MDGA2: variants seen among roughly 807,000 people sequenced by gnomAD.
MDGA2 encodes the protein MAM domain containing glycosylphosphatidylinositol anchor 2.
A neutral mutation model predicts 117.8 loss-of-function variants in MDGA2; 40 were observed. That is an observed-to-expected ratio of 0.34 (90% CI 0.26 to 0.44). MDGA2 has a LOEUF of 0.44. MDGA2 is among the 20% of genes least tolerant of loss of function. The probability of loss-of-function intolerance (pLI) is 1.00; values close to 1 mark genes in which losing one functional copy is unlikely to be tolerated. For synonymous variants in MDGA2, 452 were observed against 439.0 expected (o/e 1.03, Z -0.37); for missense variants, 1,123 against 1,250.6 (o/e 0.90, Z 1.54).
intron 3 of MDGA2, among the ~76,000 whole-genome samples, chr14:47,203,255 G>A (rs1885573131): frequency 6.6e-6 from 1 of 151,876 alleles, no homozygotes; most frequent in South Asian, 2.1e-4. Context: ...CAGGGTGAAG[G>A]TAAAGCTGGG....
chr14:47,469,691 A>G (rs960678552), intron 1 of MDGA2, among the ~76,000 whole-genome samples: 2 of 152,098 alleles, frequency 1.3e-5, no homozygotes, highest in African/African-American at 4.8e-5. Context: ...GCTGGGTCAA[A>G]TGGTATTTTT....
chr14:47,273,994 T>A (rs951818465), intron 2 of MDGA2, among the ~76,000 whole-genome samples: 5 of 152,124 alleles, frequency 3.3e-5, no homozygotes, highest in African/African-American at 9.7e-5. Context: ...GAGTTTCAGA[T>A]AAATTATTCT....
chr14:47,470,268 C>T (rs1420177228), intron 1 of MDGA2, among the ~76,000 whole-genome samples: 1 of 146,474 alleles, frequency 6.8e-6, no homozygotes, highest in Non-Finnish European at 1.5e-5. Flanking sequence ...TCCCCCAGCC[C>T]CCCCACCCCA....
chr14:47,299,013 T>G (rs1889184646), intron 2 of MDGA2, among the ~76,000 whole-genome samples: 1 of 152,088 alleles, frequency 6.6e-6, no homozygotes, highest in South Asian at 2.1e-4. Context: ...ATGGGCAATA[T>G]AAGCTGAAAC....
chr14:47,013,258 C>A (rs147365459), intron 8 of MDGA2, among the ~76,000 whole-genome samples: 1 of 152,132 alleles, frequency 6.6e-6, no homozygotes, highest in South Asian at 2.1e-4. Context: ...TATTGTAAAT[C>A]TTTTGTTGTC....
intron 8 of MDGA2, among the ~76,000 whole-genome samples, chr14:47,030,340 C>A (rs1382504149): frequency 6.6e-6 from 1 of 151,832 alleles, no homozygotes; most frequent in South Asian, 2.1e-4. Flanking sequence ...AATGGAGAAA[C>A]CCCATCTCTA....
At chr14:46,847,065 G>C (rs780986974) in intron 15 of MDGA2, among the ~76,000 whole-genome samples, 3 of 152,038 alleles carry the variant, frequency 2.0e-5, no homozygotes, top group Non-Finnish European at 4.4e-5. Flanking sequence ...ATGATTTTGA[G>C]AGAACTTAGG....
chr14:47,185,544 T>G (rs1396543096), intron 3 of MDGA2, among the ~76,000 whole-genome samples: 1 of 151,420 alleles, frequency 6.6e-6, no homozygotes, highest in African/African-American at 2.4e-5. Flanking sequence ...ACAGAAGACA[T>G]GAATAGAATT....
intron 2 of MDGA2, among the ~76,000 whole-genome samples, chr14:47,291,723 T>C (rs934258143): frequency 1.3e-5 from 2 of 152,188 alleles, no homozygotes; most frequent in Non-Finnish European, 1.5e-5. Context: ...TGCACATCAC[T>C]AGCCTGGGAA....
At chr14:47,337,346 C>T (rs1267547208) in intron 1 of MDGA2, among the ~76,000 whole-genome samples, 1 of 152,000 alleles carries the variant, frequency 6.6e-6, no homozygotes, top group Non-Finnish European at 1.5e-5. Context: ...GATCAAAAGC[C>T]TAAGATTAAG....
At chr14:47,121,157 C>T (rs972068355) in intron 5 of MDGA2, among the ~76,000 whole-genome samples, 6 of 152,026 alleles carry the variant, frequency 3.9e-5, no homozygotes, top group Non-Finnish European at 5.9e-5. Context: ...GGAGATGTAT[C>T]CTATAAGCGT....
At chr14:47,293,488 G>C (rs1888957031) in intron 2 of MDGA2, among the ~76,000 whole-genome samples, 1 of 152,050 alleles carries the variant, frequency 6.6e-6, no homozygotes. Flanking sequence ...AATTTCAATG[G>C]GACAGGCAAG....
intron 1 of MDGA2, among the ~76,000 whole-genome samples, chr14:47,656,620 G>A (rs1897749255): frequency 6.6e-6 from 1 of 152,264 alleles, no homozygotes; most frequent in South Asian, 2.1e-4. Context: ...CAGAAAATCA[G>A]CAACAATAAC....
chr14:47,227,084 C>T (rs1886530837), intron 2 of MDGA2, among the ~76,000 whole-genome samples: 1 of 152,102 alleles, frequency 6.6e-6, no homozygotes, highest in Admixed American at 6.6e-5. Context: ...TTATCACATG[C>T]TTTAGAAATC....
chr14:46,976,213 TTTATA>T (rs554498098), intron 8 of MDGA2, among the ~76,000 whole-genome samples: 4 of 152,214 alleles, frequency 2.6e-5, no homozygotes, highest in African/African-American at 7.2e-5. Context: ...GATGGCAAAT[TTTATA>T]TTATGTGTAT....
At chr14:47,619,345 A>G (rs187684565) in intron 1 of MDGA2, among the ~76,000 whole-genome samples, 2 of 152,328 alleles carry the variant, frequency 1.3e-5, no homozygotes, top group African/African-American at 4.8e-5. Flanking sequence ...CTGCGTCATC[A>G]TCACAATGAG....
chr14:47,519,906 C>G (rs1894834756), intron 1 of MDGA2, among the ~76,000 whole-genome samples: 1 of 152,166 alleles, frequency 6.6e-6, no homozygotes, highest in Non-Finnish European at 1.5e-5. Flanking sequence ...GTGCACTGAG[C>G]TAGAAGGTCA....
intron 2 of MDGA2, among the ~76,000 whole-genome samples, chr14:47,290,838 A>G (rs1300394830): frequency 3.9e-5 from 6 of 152,144 alleles, no homozygotes; most frequent in African/African-American, 1.4e-4. Context: ...TCCTCTGGTC[A>G]TTGCTTAGAG....
chr14:47,209,072 C>A (rs1365957508), intron 3 of MDGA2, among the ~76,000 whole-genome samples: 1 of 151,796 alleles, frequency 6.6e-6, no homozygotes, highest in African/African-American at 2.4e-5. Context: ...AATTCCTTAA[C>A]ATATTTAGTG....
Sources: gnomAD v4.1 joint callset for allele counts (sites outside exome capture counted in the v4.1 genomes callset) on GRCh38, gnomAD v4.1.1 for gene constraint, MANE v1.5 for transcripts, NCBI Gene and HGNC (gene_info 2026-07-23, HGNC 2026-07-21) for gene names.